PSTK: variants seen among roughly 807,000 people sequenced by gnomAD.
PSTK encodes the protein phosphoseryl-tRNA kinase.
A neutral mutation model predicts 38.6 loss-of-function variants in PSTK; 26 were observed. That is an observed-to-expected ratio of 0.67 (90% CI 0.49 to 0.94). The LOEUF (loss-of-function observed/expected upper bound fraction) is 0.94. Among genes scored for constraint, PSTK ranks in the 40% least tolerant of loss-of-function variants. The pLI, the probability that PSTK is intolerant of heterozygous loss-of-function variation, is 0.00. For synonymous variants in PSTK, 181 were observed against 161.7 expected (o/e 1.12, Z -0.91); for missense variants, 445 against 436.3 (o/e 1.02, Z -0.18).
Position 122,980,541 on chromosome 10 carries a change from G to T in PSTK, c.62G>T (p.Cys21Phe). The T allele has an allele frequency of 6.2e-7, 1 of 1,611,204 alleles. No homozygotes were observed. Residue 21 changes from cysteine to phenylalanine, a missense_variant, in exon 1 of 6, where the codon TGC becomes TTC. Physicochemically the swap from Cys to Phe is radical, Grantham distance 205. Coordinates refer to ENST00000406217, the MANE Select transcript of PSTK (RefSeq NM_001363531.2). This position sits in a 1 kb window ranked among gnomAD's most constrained non-coding sequence, Gnocchi z 4.3. The stretch of plus-strand genomic sequence containing the variant: ...GACGGGCCGCGGAAACGAGGCCTCT[G>T]CGTCCTCTGTGGCCTCCCCGCGGCA... ...GSDGPRKRGLCVLCGLPAAGK... is the reference protein window; with the variant it reads ...GSDGPRKRGLFVLCGLPAAGK...
Position 122,980,706 on chromosome 10 carries a change from A to G in PSTK, c.216+11A>G, listed in dbSNP as rs1156722131. ...AGAGCGCGACCGGCGGTCAGCACGG[A>G]GGGGCGGGGCCTGGGCCGCGGGGCG... On this transcript the variant is annotated intron_variant, in intron 1 of 5. Transcript: ENST00000406217. This position sits in a 1 kb window ranked among gnomAD's most constrained non-coding sequence, Gnocchi z 4.3. The G allele has an allele frequency of 3.0e-6, 3 of 1,014,420 alleles. No homozygotes were observed. The highest frequency in any genetic ancestry group is 3.6e-6 in the Non-Finnish European group (3 of 826,418). The allele number at this position is 1,014,420 out of a possible 1,614,324, so 62.8% of individuals were successfully genotyped here. A position where few individuals can be genotyped will look rare whatever the true frequency, so the allele number is the denominator to read the frequency against.
rs535141755 is a variant in PSTK at position 122,983,552 on chromosome 10, A to G, written c.707+82A>G. 10 of 1,223,470 alleles carry G rather than the reference A, an allele frequency of 8.2e-6. No individual in the cohort carries two copies. In the East Asian group the frequency reaches 1.6e-4, roughly 20 times the overall value. 75.8% of individuals were successfully genotyped at this position (1,223,470 alleles called of 1,614,324 possible). A position where few individuals can be genotyped will look rare whatever the true frequency, so the allele number is the denominator to read the frequency against. On this transcript the variant is annotated intron_variant, in intron 3 of 5. Coordinates refer to ENST00000406217, the MANE Select transcript of PSTK (RefSeq NM_001363531.2). The stretch of plus-strand genomic sequence containing the variant: ...GTGCTTTGTCTATGTTGGTTTAGTT[A>G]GTCCTCACACAGGCATTGGAGAGAC...
chr10:122,988,656 T>C lies in PSTK; in HGVS notation c.878-1518T>C, dbSNP rs534079157. 1.1e-4 allele frequency among the ~76,000 whole-genome samples: 17 copies of C among 152,246 alleles called. No homozygotes were observed. The South Asian group carries it at 3.1e-3, about 28-fold the overall frequency. On this transcript the variant is annotated intron_variant, in intron 5 of 5. Coordinates refer to ENST00000406217, the MANE Select transcript of PSTK (RefSeq NM_001363531.2). ...TAGACATGCTCAACATGATTAGTCA[T>C]TGGGGAAATACAAATCAAAACCATA... is the stretch of plus-strand genomic sequence containing the variant.
In PSTK at chr10:122,980,430, C is replaced by A; in HGVS notation, c.-50C>A. On this transcript the variant is annotated 5_prime_UTR_variant, in exon 1 of 6. Transcript: ENST00000406217. The surrounding 1 kb of genome is among the most constrained non-coding windows in gnomAD (Gnocchi z 4.3). ...ACGCTGCGCGTGCGCGCAGGGCAGA[C>A]GGTAGAGCGGAGACGACGCTCCCAG... The A allele has an allele frequency of 6.6e-7, 1 of 1,505,938 alleles. No individual in the cohort carries two copies. The allele number at this position is 1,505,938 out of a possible 1,614,324, so 93.3% of individuals were successfully genotyped here. A position where few individuals can be genotyped will look rare whatever the true frequency, so the allele number is the denominator to read the frequency against.
In PSTK at chr10:122,983,324, A is replaced by G. The variant is rs901821458; in HGVS notation, c.561A>G (p.Leu187=). ...TAGATTGTCCTCTTGAGACCTGTTTACAGAGGAATGGCCAGAGGCCACAGG... is the reference window on the plus strand; with the variant it reads ...TAGATTGTCCTCTTGAGACCTGTTTGCAGAGGAATGGCCAGAGGCCACAGG... ...LFLDCPLETC[L]QRNGQRPQAL... Residue 187 remains leucine, a synonymous_variant, in exon 3 of 6, where the codon TTA becomes TTG. Coordinates refer to ENST00000406217, the MANE Select transcript of PSTK (RefSeq NM_001363531.2). The G allele has an allele frequency of 6.2e-7, 1 of 1,614,172 alleles. No homozygotes were observed. The highest frequency in any genetic ancestry group is 2.2e-5 in the East Asian group (1 of 44,882).
intron 5 of PSTK, among the ~76,000 whole-genome samples, chr10:122,987,780 A>C (rs1360218866): frequency 3.9e-5 from 6 of 152,194 alleles, no homozygotes; most frequent in Admixed American, 3.9e-4. Flanking sequence ...GGTAGGTGTA[A>C]TTTTACAAAT....
At chr10:122,987,053 G>C in intron 5 of PSTK, 91 bp downstream of exon 5, 1 of 959,226 alleles carries the variant, frequency 1.0e-6, no homozygotes. Context: ...TTAGTTTTCA[G>C]TCATAAAAGT....
rs377253809 is a variant in PSTK, at chr10:122,983,443, C to G, written c.680C>G (p.Pro227Arg). 1 of 1,613,606 alleles carries G rather than the reference C, an allele frequency of 6.2e-7. No homozygotes were observed. Among genetic ancestry groups the G allele is most frequent in the Non-Finnish European group, 8.5e-7 (1 of 1,179,998 alleles). The change falls in exon 3 of 6, where the codon CCG becomes CGG. Residue 227 changes from proline to arginine, a missense_variant. Physicochemically the swap from Pro to Arg is moderately radical, Grantham distance 103 (BLOSUM62 -2). Transcript: ENST00000406217. The stretch of plus-strand genomic sequence containing the variant: ...TGGGAACACAACAGCCTCACAATTC[C>G]GAGTCCAGCATGTGCTTCGGAGGCC... ...NAWEHNSLTI[P>R]SPACASEASL...
At chr10:122,987,009 T>A in intron 5 of PSTK, 47 bp downstream of exon 5, 1 of 1,184,202 alleles carries the variant, frequency 8.4e-7, no homozygotes, top group South Asian at 1.2e-5. Context: ...TGTGACTTTC[T>A]ACTGCTACTG....
chr10:122,987,658 A>G (rs1201200498), intron 5 of PSTK, among the ~76,000 whole-genome samples: 1 of 152,212 alleles, frequency 6.6e-6, no homozygotes, highest in Non-Finnish European at 1.5e-5. Flanking sequence ...TGAATACTGT[A>G]TTGCTATATT....
chr10:122,983,036 T>A lies in PSTK; in HGVS notation c.508+12T>A. The stretch of plus-strand genomic sequence containing the variant: ...GCTGGCTCGGAAATGTAATTAAAAC[T>A]TTTTTTTTCTTACACATGGAGATAC... On this transcript the variant is annotated intron_variant, in intron 2 of 5. Transcript: ENST00000406217. The A allele has an allele frequency of 3.2e-6, 5 of 1,575,440 alleles. No individual in the cohort carries two copies. The highest frequency in any genetic ancestry group is 2.2e-5 in the East Asian group (1 of 44,578).
chr10:122,990,093 CAAATT>C lies in PSTK; in HGVS notation c.878-78_878-74del, dbSNP rs1589711283. 2.0e-5 allele frequency: 19 copies of C among 944,234 alleles called. No individual in the cohort carries two copies. The East Asian group carries it at 4.5e-4, about 23-fold the overall frequency. 58.5% of individuals were successfully genotyped at this position (944,234 alleles called of 1,614,324 possible). On this transcript the variant is annotated intron_variant, in intron 5 of 5. Coordinates refer to ENST00000406217, the MANE Select transcript of PSTK (RefSeq NM_001363531.2). ...ATAGAATCTAACTGGTTTGTTTAAT[CAAATT>C]AATTTCCTAATGTCATTAGACACCC...
intron 3 of PSTK, 99 bp from the exon 4 acceptor site, chr10:122,986,201 A>G: frequency 3.1e-6 from 2 of 644,550 alleles, no homozygotes; most frequent in Non-Finnish European, 5.1e-6. Context: ...AGCCTGGGTG[A>G]CAGAGCAAGA....
At chr10:122,983,131 A>C in intron 2 of PSTK, 107 bp downstream of exon 2, 1 of 1,261,254 alleles carries the variant, frequency 7.9e-7, no homozygotes, top group Non-Finnish European at 1.1e-6. Flanking sequence ...ATGTAGATTT[A>C]CTTAATTTTA....
At chr10:122,988,088 A>G (rs1318615719) in intron 5 of PSTK, among the ~76,000 whole-genome samples, 1 of 152,232 alleles carries the variant, frequency 6.6e-6, no homozygotes, top group Non-Finnish European at 1.5e-5. Flanking sequence ...AAGTTTCACA[A>G]AACACCTTCA....
chr10:122,984,054 A>C (rs1240899496), intron 3 of PSTK: 1 of 152,738 alleles, frequency 6.5e-6, no homozygotes, highest in Non-Finnish European at 1.5e-5. Flanking sequence ...AGTGTAACTG[A>C]TGACCTGAAT....
At chr10:122,981,093 G>A (rs574687003) in intron 1 of PSTK, among the ~76,000 whole-genome samples, 16 of 152,300 alleles carry the variant, frequency 1.1e-4, no homozygotes, top group African/African-American at 3.6e-4. Flanking sequence ...AGGGAAAGAA[G>A]TTCTAAAACT....
intron 5 of PSTK, among the ~76,000 whole-genome samples, chr10:122,988,443 GT>G (rs1238000707): frequency 6.6e-5 from 10 of 152,026 alleles, no homozygotes; most frequent in Admixed American, 2.0e-4. Flanking sequence ...GGTAGTAGTA[GT>G]TTTTAATTTG....
At chr10:122,986,502 C>T (rs1029720377) in intron 4 of PSTK, 127 bp downstream of exon 4, 3 of 721,280 alleles carry the variant, frequency 4.2e-6, no homozygotes, top group Non-Finnish European at 4.9e-6. Context: ...CTCTCACCAG[C>T]ACTCACTGCT....
Sources: allele counts gnomAD v4.1 joint callset (sites outside exome capture counted in the v4.1 genomes callset), GRCh38; gene constraint gnomAD v4.1.1; non-coding constraint Gnocchi (gnomAD v3.1); transcripts MANE v1.5; gene names NCBI Gene and HGNC (gene_info 2026-07-23, HGNC 2026-07-21).